Variants in BAZ2A observed in about 807,000 individuals in gnomAD.
BAZ2A encodes the protein bromodomain adjacent to zinc finger domain protein 2A.
Under a neutral mutation model 199.9 loss-of-function variants are expected in BAZ2A, and 34 were observed. The observed-to-expected ratio is 0.17, with a 90% CI of 0.13 to 0.23. BAZ2A has a LOEUF of 0.23. Ranked by LOEUF, BAZ2A falls within the 10% of genes least tolerant of loss-of-function variation. BAZ2A has a pLI of 1.00. For missense variants in BAZ2A, 2,002 were observed against 2,391.1 expected (o/e 0.84, Z 3.39); for synonymous variants, 857 against 883.9 (o/e 0.97, Z 0.54).
intron 1 of BAZ2A, among the ~76,000 whole-genome samples, chr12:56,620,549 T>G (rs1950886566): frequency 7.0e-6 from 1 of 142,818 alleles, no homozygotes; most frequent in African/African-American, 2.7e-5. Context: ...ACACACAGGG[T>G]CCTCCAGGAT....
rs1217126350 is a variant in BAZ2A, at chr12:56,601,447, T to C, written c.4072-45A>G. The C allele has an allele frequency of 4.4e-6, 7 of 1,594,652 alleles. No homozygotes were observed. In the African/African-American group the frequency reaches 6.7e-5, roughly 15 times the overall value. On this transcript the variant is annotated intron_variant, in intron 20 of 28. Transcript: ENST00000549884. Reference sequence around the variant, plus strand: ...TAAGGAAATGAGGATGTTTTCATGTTTATAGGTTCCCTCAACTTCAGGCAG... The same window carrying C: ...TAAGGAAATGAGGATGTTTTCATGTCTATAGGTTCCCTCAACTTCAGGCAG...
At chr12:56,603,223 G>A (rs1019305013) in intron 18 of BAZ2A, 136 bp downstream of exon 18, 14 of 990,544 alleles carry the variant, frequency 1.4e-5, no homozygotes, top group Admixed American at 5.0e-5. Flanking sequence ...AGCCATGATC[G>A]TGCCACTGCA....
chr12:56,606,626 C>A lies in BAZ2A; in HGVS notation c.2193+7G>T. On this transcript the variant is annotated splice_region_variant and intron_variant, in intron 11 of 28. Transcript: ENST00000549884. ...ACCTACTGTTTCATCTCTCTGATGTCCCTCACCTGCCCTTGGATAGTAGTC... is the reference window on the plus strand; with the variant it reads ...ACCTACTGTTTCATCTCTCTGATGTACCTCACCTGCCCTTGGATAGTAGTC... The A allele has an allele frequency of 6.2e-7, 1 of 1,611,032 alleles. No homozygotes were observed. Among genetic ancestry groups the A allele is most frequent in the Non-Finnish European group, 8.5e-7 (1 of 1,177,234 alleles).
Position 56,599,251 on chromosome 12 carries a change from C to G in BAZ2A, c.5280G>C (p.Arg1760=). The G allele has an allele frequency of 6.2e-7, 1 of 1,613,250 alleles. No homozygotes were observed. Among genetic ancestry groups the G allele is most frequent in the Non-Finnish European group, 8.5e-7 (1 of 1,179,720 alleles). The part of the protein sequence containing the change: ...NFSEGDGRRR[R]VLLRGRESPA... The stretch of plus-strand genomic sequence containing the variant: ...GGCTTTCTCGGCCCCTCAACAGTAC[C>G]CGGCGTCGGCGGCCATCACCCTCTG... Residue 1760 remains arginine, a synonymous_variant, in exon 27 of 29, where the codon CGG becomes CGC. Coordinates refer to ENST00000549884, the MANE Select transcript of BAZ2A (RefSeq NM_001300905.2).
chr12:56,603,497 T>C, intron 17 of BAZ2A, 23 bp downstream of exon 17: 1 of 1,613,898 alleles, frequency 6.2e-7, no homozygotes, highest in Non-Finnish European at 8.5e-7. Context: ...TAACTCCCAC[T>C]TTCCTTGATC....
upstream of BAZ2A, chr12:56,630,791 G>T (rs910813642): frequency 1.0e-6 from 1 of 985,516 alleles, no homozygotes; most frequent in Non-Finnish European, 1.2e-6. Flanking sequence ...TCCCTTCAGT[G>T]CAGCCTGGTC....
At position 56,610,585 on chromosome 12, in the gene BAZ2A, C is replaced by T. The variant is rs762998726; in HGVS notation, c.1671-68G>A. The T allele has an allele frequency of 1.2e-5, 17 of 1,440,488 alleles. No individual in the cohort carries two copies. In the East Asian group the frequency reaches 1.5e-4, roughly 12 times the overall value. 89.2% of individuals were successfully genotyped at this position (1,440,488 alleles called of 1,614,324 possible). A position where few individuals can be genotyped will look rare whatever the true frequency, so the allele number is the denominator to read the frequency against. On this transcript the variant is annotated intron_variant, in intron 7 of 28. Transcript: ENST00000549884. ...TACCCACTCCCATGCCACCTAAGCG[C>T]GAAGCCCTCTGAGCAGATGGCCCTC... is the stretch of plus-strand genomic sequence containing the variant.
chr12:56,627,822 T>C (rs1400245636), intron 1 of BAZ2A, among the ~76,000 whole-genome samples: 1 of 123,524 alleles, frequency 8.1e-6, no homozygotes, highest in Admixed American at 9.1e-5. Flanking sequence ...TGAGACCCTG[T>C]CTCAAAAAAA....
At chr12:56,616,417 G>A (rs1950724106) in intron 2 of BAZ2A, among the ~76,000 whole-genome samples, 1 of 152,092 alleles carries the variant, frequency 6.6e-6, no homozygotes, top group Non-Finnish European at 1.5e-5. Flanking sequence ...ACTTTGTGCT[G>A]GGCTAAGAAT....
At chr12:56,626,989 G>A (rs1374367913) in intron 1 of BAZ2A, among the ~76,000 whole-genome samples, 1 of 152,198 alleles carries the variant, frequency 6.6e-6, no homozygotes, top group Non-Finnish European at 1.5e-5. Context: ...CAGCCCCAGT[G>A]AGAAGAGCAA....
intron 16 of BAZ2A, among the ~76,000 whole-genome samples, 156 bp downstream of exon 16, chr12:56,604,061 A>G (rs1565812461): frequency 6.6e-6 from 1 of 152,138 alleles, no homozygotes; most frequent in Non-Finnish European, 1.5e-5. Flanking sequence ...TAGTGCCACA[A>G]AAGAAATACC....
intron 17 of BAZ2A, 50 bp downstream of exon 17, chr12:56,603,470 A>G (rs1331270011): frequency 6.2e-7 from 1 of 1,613,710 alleles, no homozygotes; most frequent in Admixed American, 1.7e-5. Context: ...AGATTCAAGA[A>G]AGAGGAATTT....
In BAZ2A at chr12:56,613,037, G is replaced by A; in HGVS notation, c.1113C>T (p.Val371=). The A allele has an allele frequency of 6.2e-7, 1 of 1,613,510 alleles. No homozygotes were observed. The highest frequency in any genetic ancestry group is 1.1e-5 in the South Asian group (1 of 91,064). The change falls in exon 5 of 29, where the codon GTC becomes GTT. Residue 371 remains valine (V), a synonymous_variant. Transcript: ENST00000549884. ...SIFASPTSPP[V]LGESVLQDNS... ...TACCTTGCAGGACAGACTCCCCTAG[G>A]ACAGGTGGAGAGGTGGGACTGGCAA... is the stretch of plus-strand genomic sequence containing the variant.
rs1886446010 is a variant in BAZ2A at position 56,601,220 on chromosome 12, C to T, written c.4254G>A (p.Gln1418=). 6.2e-7 allele frequency: 1 copy of T among 1,614,058 alleles called. No individual in the cohort carries two copies. Among genetic ancestry groups the T allele is most frequent in the Non-Finnish European group, 8.5e-7 (1 of 1,179,900 alleles). The part of the protein sequence containing the change: ...PPSKFFKQME[Q]RYLTQLTAQP... Reference sequence around the variant, plus strand: ...GGGCTGTCAGCTGGGTTAGGTAACGCTGTTCCATCTGTTTGAAGAACTTAC... The same window carrying T: ...GGGCTGTCAGCTGGGTTAGGTAACGTTGTTCCATCTGTTTGAAGAACTTAC... The change falls in exon 21 of 29, where the codon CAG becomes CAA. Residue 1418 remains glutamine, a synonymous_variant. Transcript: ENST00000549884.
rs1238806769 is a variant in BAZ2A, at chr12:56,611,685, A to G, written c.1610-52T>C. On this transcript the variant is annotated intron_variant, in intron 6 of 28. Transcript: ENST00000549884. ...AGAGTTCAAGCAAAATATTTAAACA[A>G]TAGGCCAATAGGGAAAGGCTAACTA... is the stretch of plus-strand genomic sequence containing the variant. 6 of 1,552,754 alleles carry G rather than the reference A, an allele frequency of 3.9e-6. No homozygotes were observed. In the African/African-American group the frequency reaches 6.9e-5, roughly 18 times the overall value.
intron 3 of BAZ2A, 118 bp downstream of exon 3, chr12:56,614,896 G>T: frequency 9.2e-7 from 1 of 1,082,318 alleles, no homozygotes; most frequent in Non-Finnish European, 1.3e-6. Flanking sequence ...TCACCAACAT[G>T]CAAATCAGCC....
At chr12:56,600,859 G>A in intron 22 of BAZ2A, 27 bp from the exon 23 acceptor site, 1 of 1,612,210 alleles carries the variant, frequency 6.2e-7, no homozygotes. Context: ...CAGAGGGAGA[G>A]GCCCATCAGG....
rs1012180942 is a variant in BAZ2A, at chr12:56,596,864, G to A, written c.*1754C>T. The A allele has an allele frequency of 3.3e-5, 5 of 152,078 alleles. No homozygotes were observed. Among genetic ancestry groups the A allele is most frequent in the African/African-American group, 1.2e-4 (5 of 41,304 alleles). The allele number at this position is 152,078 out of a possible 1,614,324, so 9.4% of individuals were successfully genotyped here. ...GCTATGAGGGAGAAGGGGCATAAAGGAATAAAGGGGCTGCCCCAGGACCTA... is the reference window on the plus strand; with the variant it reads ...GCTATGAGGGAGAAGGGGCATAAAGAAATAAAGGGGCTGCCCCAGGACCTA... On this transcript the variant is annotated 3_prime_UTR_variant, in exon 29 of 29. Transcript: ENST00000549884.
chr12:56,636,509 A>G, upstream of BAZ2A: 2 of 529,298 alleles, frequency 3.8e-6, no homozygotes, highest in Non-Finnish European at 5.6e-6. Context: ...GTGGCATGGT[A>G]GAAGAGGCCG....
Sources: gnomAD v4.1 joint callset for allele counts (sites outside exome capture counted in the v4.1 genomes callset) on GRCh38, gnomAD v4.1.1 for gene constraint, MANE v1.5 for transcripts, NCBI Gene and HGNC (gene_info 2026-07-23, HGNC 2026-07-21) for gene names.